The following FBXO34 variants were observed in gnomAD, a reference collection of about 807,000 sequenced individuals.
FBXO34 encodes the protein F-box protein 34, also known as F-box only protein 34.
A neutral mutation model predicts 24.5 loss-of-function variants in FBXO34; 12 were observed. That is an observed-to-expected ratio of 0.49 (90% confidence interval 0.31 to 0.79). The LOEUF (loss-of-function observed/expected upper bound fraction) is 0.79. Among genes scored for constraint, FBXO34 ranks in the 30% least tolerant of loss-of-function variants. The pLI is 0.04. For missense variants in FBXO34, 823 were observed against 857.7 expected (o/e 0.96, Z 0.51); for synonymous variants, 320 against 311.9 (o/e 1.03, Z -0.27).
the FBXO34 span, among the ~76,000 whole-genome samples, chr14:55,430,264 T>G: frequency 6.6e-6 from 1 of 152,262 alleles, no homozygotes; most frequent in Non-Finnish European, 1.5e-5. Flanking sequence ...AAAGCCAGTT[T>G]GAACTTGTTT....
the FBXO34 span, among the ~76,000 whole-genome samples, chr14:55,385,296 T>G: frequency 6.6e-6 from 1 of 152,158 alleles, no homozygotes; most frequent in Non-Finnish European, 1.5e-5. Flanking sequence ...CTGGTTTTTT[T>G]TTGTTTGTTT....
At chr14:55,442,958 C>T in the FBXO34 span, among the ~76,000 whole-genome samples, 6 of 152,268 alleles carry the variant, frequency 3.9e-5, no homozygotes, top group East Asian at 3.9e-4. Context: ...TGAAAGAGAG[C>T]GGCCTCAAGA....
the FBXO34 span, among the ~76,000 whole-genome samples, chr14:55,391,592 T>C: frequency 6.6e-6 from 1 of 152,112 alleles, no homozygotes; most frequent in Non-Finnish European, 1.5e-5. Context: ...TCTAGCTATA[T>C]AGCTACTAGC....
intron 1 of FBXO34, among the ~76,000 whole-genome samples, chr14:55,315,484 C>G (rs1315517705): frequency 6.6e-6 from 1 of 152,090 alleles, no homozygotes; most frequent in Non-Finnish European, 1.5e-5. Context: ...TGTCTTCTTT[C>G]TTGGTTTAGT....
chr14:55,433,388 AGCG>A, the FBXO34 span, among the ~76,000 whole-genome samples: 4 of 148,658 alleles, frequency 2.7e-5, no homozygotes, highest in African/African-American at 1.0e-4. Context: ...CCTGGGCTCA[AGCG>A]ATCCTCCTGC....
At chr14:55,394,243 G>A in the FBXO34 span, among the ~76,000 whole-genome samples, 2 of 151,818 alleles carry the variant, frequency 1.3e-5, no homozygotes, top group South Asian at 2.1e-4. Context: ...CTGACCTTGT[G>A]ATCCACTTGC....
chr14:55,360,916 T>G (rs185759326), intron 3 of FBXO34, among the ~76,000 whole-genome samples: 5 of 152,158 alleles, frequency 3.3e-5, no homozygotes, highest in Admixed American at 2.6e-4. Context: ...GAGAATTGCT[T>G]GAACTCGTGA....
intron 1 of FBXO34, among the ~76,000 whole-genome samples, chr14:55,281,939 C>T (rs1183317513): frequency 2.2e-5 from 3 of 136,196 alleles, no homozygotes; most frequent in African/African-American, 5.6e-5. Flanking sequence ...TGTAGCTTTA[C>T]GTTTTTTTGA....
the FBXO34 span, among the ~76,000 whole-genome samples, chr14:55,429,413 G>A: frequency 6.6e-6 from 1 of 152,188 alleles, no homozygotes; most frequent in South Asian, 2.1e-4. Flanking sequence ...CTAGGTAACT[G>A]TGCTGCTCAC....
At chr14:55,287,392 T>C (rs567997768) in intron 1 of FBXO34, among the ~76,000 whole-genome samples, 9 of 152,316 alleles carry the variant, frequency 5.9e-5, no homozygotes, top group African/African-American at 1.9e-4. Flanking sequence ...ATGATACTGA[T>C]AAGCAGTCAT....
chr14:55,397,289 A>G, the FBXO34 span: 75 of 1,162,694 alleles, frequency 6.5e-5, no homozygotes, highest in East Asian at 7.1e-5. Flanking sequence ...AGCAATCCGT[A>G]TATCTGCATA....
At chr14:55,373,297 G>A (rs1325432525), downstream of FBXO34, among the ~76,000 whole-genome samples, 1 of 152,080 alleles carries the variant, frequency 6.6e-6, no homozygotes, top group East Asian at 1.9e-4. Flanking sequence ...GGCAACAAAA[G>A]GATCTTTCTA....
At chr14:55,394,270 G>A in the FBXO34 span, among the ~76,000 whole-genome samples, 1 of 151,930 alleles carries the variant, frequency 6.6e-6, no homozygotes, top group South Asian at 2.1e-4. Flanking sequence ...CTCCCAAAGT[G>A]CTGGGATTAT....
chr14:55,377,215 T>C, the FBXO34 span, among the ~76,000 whole-genome samples: 1 of 152,088 alleles, frequency 6.6e-6, no homozygotes, highest in Non-Finnish European at 1.5e-5. Context: ...GGCATGGTGG[T>C]GCACACTTGT....
the FBXO34 span, among the ~76,000 whole-genome samples, chr14:55,422,733 G>C: frequency 6.6e-6 from 1 of 152,056 alleles, no homozygotes; most frequent in Admixed American, 6.6e-5. Flanking sequence ...TGTGCCTGTA[G>C]TCTCAGCTAC....
chr14:55,310,462 A>G (rs536485856), intron 1 of FBXO34, among the ~76,000 whole-genome samples: 1 of 152,318 alleles, frequency 6.6e-6, no homozygotes, highest in South Asian at 2.1e-4. Context: ...TCACACCACC[A>G]AACCAGGATT....
chr14:55,401,924 C>T, the FBXO34 span, among the ~76,000 whole-genome samples: 55 of 152,298 alleles, frequency 3.6e-4, no homozygotes, highest in African/African-American at 1.2e-3. Context: ...CATTTCAACA[C>T]GCCAAGTGGG....
intron 1 of FBXO34, among the ~76,000 whole-genome samples, chr14:55,288,091 G>A (rs567929763): frequency 1.3e-5 from 2 of 152,304 alleles, no homozygotes; most frequent in East Asian, 3.9e-4. Flanking sequence ...CAGCCAGGAG[G>A]TATAAATGAT....
downstream of FBXO34, among the ~76,000 whole-genome samples, chr14:55,363,044 C>T (rs149573828): frequency 0.061 from 8,463 of 138,334 alleles, 321 homozygotes; most frequent in South Asian, 0.091. Context: ...TTTTTGGAGA[C>T]GGAGTTTCGC....
Sources: gnomAD v4.1 joint callset for allele counts (sites outside exome capture counted in the v4.1 genomes callset) on GRCh38, gnomAD v4.1.1 for gene constraint, MANE v1.5 for transcripts, NCBI Gene and HGNC (gene_info 2026-07-23, HGNC 2026-07-21) for gene names.